The following GOLGA2 variants were observed in gnomAD, a reference collection of about 807,000 sequenced individuals.
GOLGA2 encodes the protein golgin subfamily A member 2.
A neutral mutation model predicts 148.8 loss-of-function variants in GOLGA2; 49 were observed. That is an observed-to-expected ratio of 0.33 (90% CI 0.26 to 0.42). GOLGA2 has a LOEUF of 0.42. GOLGA2 is among the 10% of genes least tolerant of loss of function. GOLGA2 has a pLI of 1.00. For synonymous variants in GOLGA2, 501 were observed against 511.8 expected, an observed-to-expected ratio of 0.98 and a Z score of 0.28; for missense variants, 1,178 against 1,304.6, an observed-to-expected ratio of 0.90 and a Z score of 1.49.
In GOLGA2 at chr9:128,260,622, A is replaced by G; in HGVS notation, c.1601T>C (p.Leu534Pro). 6.2e-7 allele frequency: 1 copy of G among 1,611,594 alleles called. No homozygotes were observed. The highest frequency in any genetic ancestry group is 1.1e-5 in the South Asian group (1 of 91,082). ...NREQEERLLE[L>P]ERAAELWGEQ... ...CCCCCAGAGCTCGGCCGCCCGCTCC[A>G]GCTCCAGCAGCCTCTCCTCCTGCTC... Residue 534 changes from leucine to proline, a missense_variant, in exon 18 of 27, where the codon CTG (leucine) becomes CCG (proline). Physicochemically the swap from Leu to Pro is moderately conservative, Grantham distance 98. Coordinates refer to ENST00000611957, the MANE Select transcript of GOLGA2 (RefSeq NM_001366244.2). This position sits in a 1 kb window ranked among gnomAD's most constrained non-coding sequence, Gnocchi z 4.8.
At position 128,257,490 on chromosome 9, in the gene GOLGA2, C is replaced by T; in HGVS notation, c.2754G>A (p.Arg918=). ...KLLELQELVL[R]LVGDRNEWHG... Reference sequence around the variant, plus strand: ...GCCACTCGTTGCGGTCGCCCACAAGCCGTAAGACCAGCTCCTGCAGCTCCA... The same window carrying T: ...GCCACTCGTTGCGGTCGCCCACAAGTCGTAAGACCAGCTCCTGCAGCTCCA... Residue 918 remains arginine (R), a synonymous_variant, in exon 26 of 27, where the codon CGG becomes CGA. Transcript: ENST00000611957. This position sits in a 1 kb window ranked among gnomAD's most constrained non-coding sequence, Gnocchi z 8.0. 1.2e-6 allele frequency: 2 copies of T among 1,613,898 alleles called. No homozygotes were observed. Among genetic ancestry groups the T allele is most frequent in the Non-Finnish European group, 8.5e-7 (1 of 1,180,020 alleles).
At position 128,256,906 on chromosome 9, in the gene GOLGA2, C is replaced by T; in HGVS notation, c.*161G>A. 1 of 569,800 alleles carries T rather than the reference C, an allele frequency of 1.8e-6. No homozygotes were observed. Among genetic ancestry groups the T allele is most frequent in the East Asian group, 2.9e-5 (1 of 34,716 alleles). The allele number at this position is 569,800 out of a possible 1,614,324, so 35.3% of individuals were successfully genotyped here. A position where few individuals can be genotyped will look rare whatever the true frequency, so the allele number is the denominator to read the frequency against. On this transcript the variant is annotated 3_prime_UTR_variant, in exon 27 of 27. Coordinates refer to ENST00000611957, the MANE Select transcript of GOLGA2 (RefSeq NM_001366244.2). The stretch of plus-strand genomic sequence containing the variant: ...AATTTAGTGGCCAGCTTTTAGATGA[C>T]AGTGATCTTCACCTCATCTGCACCT...
rs572027765 is a variant in GOLGA2 at position 128,256,861 on chromosome 9, A to G, written c.*206T>C. The G allele has an allele frequency of 1.6e-5, 7 of 449,956 alleles. No homozygotes were observed. The highest frequency in any genetic ancestry group is 6.1e-5 in the African/African-American group (3 of 49,110). The allele number at this position is 449,956 out of a possible 1,614,324, so 27.9% of individuals were successfully genotyped here. On this transcript the variant is annotated 3_prime_UTR_variant, in exon 27 of 27. Coordinates refer to ENST00000611957, the MANE Select transcript of GOLGA2 (RefSeq NM_001366244.2). ...TTATCCCATAACTTTTTTTAATCCC[A>G]TAACTTTTAATTTTTTTTTAATTTA...
intron 3 of GOLGA2, among the ~76,000 whole-genome samples, chr9:128,270,068 C>A (rs930005691): frequency 6.6e-6 from 1 of 151,880 alleles, no homozygotes; most frequent in Admixed American, 6.6e-5. Flanking sequence ...TAGGGCCCTC[C>A]TGGCATCTTC....
chr9:128,260,734 C>CAGCCTCCGCTTGTAGCTGCTG lies in GOLGA2; in HGVS notation c.1468_1488dup (p.Gln490_Ala496dup). The CAGCCTCCGCTTGTAGCTGCTG allele has an allele frequency of 6.2e-7, 1 of 1,613,246 alleles. No homozygotes were observed. The highest frequency in any genetic ancestry group is 1.1e-5 in the South Asian group (1 of 91,060). On this transcript the variant is annotated inframe_insertion, in exon 18 of 27. Coordinates refer to ENST00000611957, the MANE Select transcript of GOLGA2 (RefSeq NM_001366244.2). This position sits in a 1 kb window ranked among gnomAD's most constrained non-coding sequence, Gnocchi z 4.8. ...CCCTCCAGCTCCTTCCGCAGGTGCT[C>CAGCCTCCGCTTGTAGCTGCTG]AGCCTCCGCTTGTAGCTGCTGCTCC...
At chr9:128,267,712 G>GAGATACAA (rs1313413783) in intron 6 of GOLGA2, among the ~76,000 whole-genome samples, 195 bp from the exon 7 acceptor site, 2 of 152,148 alleles carry the variant, frequency 1.3e-5, no homozygotes, top group South Asian at 4.1e-4. Context: ...CTCTCATCCA[G>GAGATACAA]TGCTTCTGCA....
chr9:128,271,792 T>G lies in GOLGA2; in HGVS notation c.288+993A>C, dbSNP rs1830965047. Among the ~76,000 whole-genome samples the G allele has an allele frequency of 6.6e-6, 1 of 152,190 alleles. No individual in the cohort carries two copies. Among genetic ancestry groups the G allele is most frequent in the African/African-American group, 2.4e-5 (1 of 41,458 alleles). On this transcript the variant is annotated intron_variant, in intron 3 of 26. Coordinates refer to ENST00000611957, the MANE Select transcript of GOLGA2 (RefSeq NM_001366244.2). The surrounding 1 kb of genome is among the most constrained non-coding windows in gnomAD (Gnocchi z 4.4). ...TGCCTCCCTCGGTGTGCAGCCTACC[T>G]TGTTCATCTATTTTATCCACTGTTT... is the stretch of plus-strand genomic sequence containing the variant.
chr9:128,256,862 T>G lies in GOLGA2; in HGVS notation c.*205A>C. The stretch of plus-strand genomic sequence containing the variant: ...TATCCCATAACTTTTTTTAATCCCA[T>G]AACTTTTAATTTTTTTTTAATTTAG... On this transcript the variant is annotated 3_prime_UTR_variant, in exon 27 of 27. Transcript: ENST00000611957. 2.2e-6 allele frequency: 1 copy of G among 448,578 alleles called. No homozygotes were observed. The allele number at this position is 448,578 out of a possible 1,614,324, so 27.8% of individuals were successfully genotyped here.
chr9:128,269,183 G>A (rs1445939095), intron 3 of GOLGA2, among the ~76,000 whole-genome samples: 1 of 152,002 alleles, frequency 6.6e-6, no homozygotes, highest in African/African-American at 2.4e-5. Flanking sequence ...AAAGTCCTGG[G>A]CTCAAGTGAT....
chr9:128,273,830 C>A lies in GOLGA2; in HGVS notation c.207+20G>T. ...CCCTTGGGCCCCCTGTCCCCAGGAG[C>A]CTGGCCATCCAAGACTCACATCCTC... On this transcript the variant is annotated intron_variant, in intron 2 of 26. Coordinates refer to ENST00000611957, the MANE Select transcript of GOLGA2 (RefSeq NM_001366244.2). 1 of 1,613,448 alleles carries A rather than the reference C, an allele frequency of 6.2e-7. No individual in the cohort carries two copies. Among genetic ancestry groups the A allele is most frequent in the Non-Finnish European group, 8.5e-7 (1 of 1,179,546 alleles).
Position 128,266,397 on chromosome 9 carries a change from T to A in GOLGA2, c.643-72A>T. On this transcript the variant is annotated intron_variant, in intron 8 of 26. Transcript: ENST00000611957. The surrounding 1 kb of genome is among the most constrained non-coding windows in gnomAD (Gnocchi z 4.2). The stretch of plus-strand genomic sequence containing the variant: ...CTCTATTCCCCAGACCAGGAACGGG[T>A]AGGCAGGGGCCAGGAATGGATTTTA... The A allele has an allele frequency of 7.5e-7, 1 of 1,339,356 alleles. No individual in the cohort carries two copies. Among genetic ancestry groups the A allele is most frequent in the Non-Finnish European group, 1.1e-6 (1 of 936,778 alleles). 83.0% of individuals were successfully genotyped at this position (1,339,356 alleles called of 1,614,324 possible). A position where few individuals can be genotyped will look rare whatever the true frequency, so the allele number is the denominator to read the frequency against.
At position 128,257,839 on chromosome 9, in the gene GOLGA2, C is replaced by T. The variant is rs766065515; in HGVS notation, c.2562G>A (p.Glu854=). The T allele has an allele frequency of 7.4e-6, 12 of 1,614,088 alleles. No homozygotes were observed. In the African/African-American group the frequency reaches 9.3e-5, roughly 13 times the overall value. Residue 854 remains glutamate (E), a synonymous_variant, in exon 24 of 27, where the codon GAG becomes GAA. Coordinates refer to ENST00000611957, the MANE Select transcript of GOLGA2 (RefSeq NM_001366244.2). This position sits in a 1 kb window ranked among gnomAD's most constrained non-coding sequence, Gnocchi z 8.0. ...GCTGGATGCAGCGATGTTCCAGTTCCTCTACCCTCTCCTTCAGGTCTGCCT... is the reference window on the plus strand; with the variant it reads ...GCTGGATGCAGCGATGTTCCAGTTCTTCTACCCTCTCCTTCAGGTCTGCCT... ...QEKADLKERV[E]ELEHRCIQLS...
intron 4 of GOLGA2, 85 bp downstream of exon 4, chr9:128,268,335 C>T: frequency 9.5e-7 from 1 of 1,051,436 alleles, no homozygotes; most frequent in South Asian, 1.3e-5. Flanking sequence ...GCCCTTGACC[C>T]TAGGGAACAA....
At position 128,265,628 on chromosome 9, in the gene GOLGA2, C is replaced by T. The variant is rs756435732; in HGVS notation, c.890G>A (p.Arg297Gln). 40 of 1,613,594 alleles carry T rather than the reference C, an allele frequency of 2.5e-5. No homozygotes were observed. The highest frequency in any genetic ancestry group is 1.6e-4 in the Middle Eastern group (1 of 6,082). ...CTGCGTGGAGACAGCAGAGAGAGCC[C>T]GCTCCAACTCTCCCACACGCCGCCG... ...YSRRRVGELE[R>Q]ALSAVSTQQK... The change falls in exon 12 of 27, where the codon CGG becomes CAG. Residue 297 changes from arginine (R) to glutamine (Q), a missense_variant. Around this residue, in one of 5 missense-constraint regions of GOLGA2, gnomAD observed 304 missense variants for 404.1 expected, o/e 0.75. Coordinates refer to ENST00000611957, the MANE Select transcript of GOLGA2 (RefSeq NM_001366244.2).
In GOLGA2 at chr9:128,257,653, C is replaced by T. The variant is rs748293881; in HGVS notation, c.2666G>A (p.Arg889Gln). The change falls in exon 25 of 27, where the codon CGG (arginine) becomes CAG (glutamine). Residue 889 changes from arginine to glutamine, a missense_variant. This residue lies in a region of GOLGA2 where 38 missense variants were observed against 67.3 expected (regional missense o/e 0.56). Coordinates refer to ENST00000611957, the MANE Select transcript of GOLGA2 (RefSeq NM_001366244.2). The surrounding 1 kb of genome is among the most constrained non-coding windows in gnomAD (Gnocchi z 8.0). ...SQRAVLKERH[R>Q]EKEEYISRLA... ...CCTGCTGATGTACTCCTCCTTCTCCCGGTGCCGCTCCTTCAGCACTGCCCT... is the reference window on the plus strand; with the variant it reads ...CCTGCTGATGTACTCCTCCTTCTCCTGGTGCCGCTCCTTCAGCACTGCCCT... The T allele has an allele frequency of 2.9e-5, 47 of 1,614,074 alleles. No individual in the cohort carries two copies. The East Asian group carries it at 3.3e-4, about 11-fold the overall frequency.
In GOLGA2 at chr9:128,258,255, G is replaced by A; in HGVS notation, c.2290-57C>T. 7.3e-7 allele frequency: 1 copy of A among 1,369,832 alleles called. No homozygotes were observed. Among genetic ancestry groups the A allele is most frequent in the Non-Finnish European group, 1.0e-6 (1 of 991,884 alleles). 84.9% of individuals were successfully genotyped at this position (1,369,832 alleles called of 1,614,324 possible). A position where few individuals can be genotyped will look rare whatever the true frequency, so the allele number is the denominator to read the frequency against. On this transcript the variant is annotated intron_variant, in intron 22 of 26. Transcript: ENST00000611957. This position sits in a 1 kb window ranked among gnomAD's most constrained non-coding sequence, Gnocchi z 6.6. ...GGATATATAGGATGAACAGGGCAGG[G>A]AGGTAGAGAGCAGCCCTTCCCTTGG...
intron 3 of GOLGA2, among the ~76,000 whole-genome samples, chr9:128,272,040 T>TA (rs145810838): frequency 0.075 from 10,402 of 139,330 alleles, 532 homozygotes; most frequent in East Asian, 0.26. Flanking sequence ...TGAATTAATT[T>TA]AAAAAAAAAA....
At chr9:128,265,284 C>T (rs949305081) in intron 12 of GOLGA2, among the ~76,000 whole-genome samples, 1 of 152,216 alleles carries the variant, frequency 6.6e-6, no homozygotes, top group African/African-American at 2.4e-5. Context: ...TGTACCTTCA[C>T]AGTACAAGTA....
At chr9:128,263,983 C>T (rs1314079916) in intron 12 of GOLGA2, among the ~76,000 whole-genome samples, 9 of 148,180 alleles carry the variant, frequency 6.1e-5, no homozygotes, top group African/African-American at 2.2e-4. Flanking sequence ...GGTGAAACCC[C>T]ATCTCTACTA....
Sources: allele counts gnomAD v4.1 joint callset (sites outside exome capture counted in the v4.1 genomes callset), GRCh38; gene constraint gnomAD v4.1.1; regional missense constraint gnomAD v4.1.1; non-coding constraint Gnocchi (gnomAD v3.1); transcripts MANE v1.5; gene names NCBI Gene and HGNC (gene_info 2026-07-23, HGNC 2026-07-21).